LAMA2: variants seen among roughly 807,000 people sequenced by gnomAD.
The protein encoded by LAMA2 is laminin subunit alpha 2.
Under a neutral mutation model 364.8 loss-of-function variants are expected in LAMA2, and 269 were observed. The observed-to-expected ratio is 0.74, with a 90% CI of 0.67 to 0.82. The LOEUF (loss-of-function observed/expected upper bound fraction) is 0.82. Ranked by LOEUF, LAMA2 falls within the 40% of genes least tolerant of loss-of-function variation. LAMA2 has a pLI of 0.00. For missense variants in LAMA2, 3,807 were observed against 3,873.2 expected (o/e 0.98, Z 0.45); for synonymous variants, 1,379 against 1,370.6 (o/e 1.01, Z -0.14).
intron 1 of LAMA2, among the ~76,000 whole-genome samples, chr6:128,896,365 C>A (rs1776771447): frequency 6.6e-6 from 1 of 150,752 alleles, no homozygotes. Flanking sequence ...ACTTTGGAAT[C>A]CATGTCCTGG....
chr6:129,317,529 T>C (rs1372561854), intron 27 of LAMA2, among the ~76,000 whole-genome samples: 1 of 152,136 alleles, frequency 6.6e-6, no homozygotes, highest in Non-Finnish European at 1.5e-5. Flanking sequence ...AATTCACTTT[T>C]ATATATGTAT....
chr6:129,180,264 C>T (rs1780850907), intron 10 of LAMA2, among the ~76,000 whole-genome samples: 1 of 151,970 alleles, frequency 6.6e-6, no homozygotes, highest in Admixed American at 6.6e-5. Context: ...AGGTTTTTAG[C>T]AGAAGGGGAA....
chr6:129,074,021 A>G (rs1773480492), intron 3 of LAMA2, among the ~76,000 whole-genome samples: 1 of 152,138 alleles, frequency 6.6e-6, no homozygotes, highest in Non-Finnish European at 1.5e-5. Flanking sequence ...TCAGTCAGCA[A>G]CTCAAATGTT....
chr6:129,412,172 T>C (rs972020840), intron 40 of LAMA2, among the ~76,000 whole-genome samples: 2 of 152,030 alleles, frequency 1.3e-5, no homozygotes, highest in African/African-American at 2.4e-5. Context: ...AATTGACTCA[T>C]GAGATTGTGG....
intron 29 of LAMA2, among the ~76,000 whole-genome samples, chr6:129,333,471 CAT>C (rs1775774923): frequency 6.6e-6 from 1 of 152,106 alleles, no homozygotes; most frequent in South Asian, 2.1e-4. Flanking sequence ...TTAAATTACT[CAT>C]ATGCTTAATT....
At chr6:129,505,171 G>A in intron 60 of LAMA2, 29 bp from the exon 61 acceptor site, 1 of 1,600,466 alleles carries the variant, frequency 6.2e-7, no homozygotes, top group Non-Finnish European at 8.6e-7. Context: ...GTTCAGGATT[G>A]GCATTAATGA....
At chr6:129,226,620 G>T (rs1358384328) in intron 12 of LAMA2, among the ~76,000 whole-genome samples, 30 of 149,014 alleles carry the variant, frequency 2.0e-4, no homozygotes, top group African/African-American at 6.9e-4. Context: ...TGAAATTCTG[G>T]GTTGAAAATT....
intron 35 of LAMA2, among the ~76,000 whole-genome samples, chr6:129,388,704 C>T (rs960309318): frequency 1.3e-5 from 2 of 152,140 alleles, no homozygotes; most frequent in Non-Finnish European, 2.9e-5. Flanking sequence ...CGCACACACA[C>T]ATATTCATTT....
chr6:129,027,866 G>A (rs1348645689), intron 1 of LAMA2, among the ~76,000 whole-genome samples: 2 of 151,756 alleles, frequency 1.3e-5, no homozygotes, highest in Admixed American at 6.6e-5. Flanking sequence ...TAGGGAAGGT[G>A]TATCAGAGTG....
chr6:129,267,323 A>T (rs1397240258), intron 16 of LAMA2, 104 bp downstream of exon 16: 1 of 813,146 alleles, frequency 1.2e-6, no homozygotes, highest in Non-Finnish European at 2.2e-6. Flanking sequence ...ACTTGAGTCA[A>T]GAAGTGCTTT....
chr6:129,241,127 G>A (rs1365186247), intron 12 of LAMA2, among the ~76,000 whole-genome samples: 10 of 152,212 alleles, frequency 6.6e-5, no homozygotes, highest in Non-Finnish European at 1.5e-5. Context: ...TATCTCATGG[G>A]GTAGTACAAA....
At chr6:129,391,407 G>A (rs747301854) in intron 35 of LAMA2, 84 bp from the exon 36 acceptor site, 2 of 1,122,354 alleles carry the variant, frequency 1.8e-6, no homozygotes, top group Non-Finnish European at 2.7e-6. Context: ...TTTGGAGATG[G>A]TGGTGCCCAG....
At chr6:129,152,323 G>A (rs1778859131) in intron 7 of LAMA2, among the ~76,000 whole-genome samples, 1 of 152,182 alleles carries the variant, frequency 6.6e-6, no homozygotes, top group Admixed American at 6.5e-5. Context: ...AACACACAAG[G>A]TTGGTGGCTA....
At chr6:129,051,700 C>A (rs199569397) in intron 2 of LAMA2, among the ~76,000 whole-genome samples, 10 of 34,244 alleles carry the variant, frequency 2.9e-4, no homozygotes, top group African/African-American at 1.7e-3. Context: ...ATAGATCGAT[C>A]TATAGATATC....
At chr6:129,080,294 T>G (rs1053826090) in intron 3 of LAMA2, among the ~76,000 whole-genome samples, 4 of 152,196 alleles carry the variant, frequency 2.6e-5, no homozygotes, top group Admixed American at 6.5e-5. Flanking sequence ...TGTCAAAGCC[T>G]GCCGTGTATA....
intron 40 of LAMA2, among the ~76,000 whole-genome samples, chr6:129,414,442 G>A (rs1009314207): frequency 1.1e-4 from 16 of 152,184 alleles, no homozygotes; most frequent in African/African-American, 3.6e-4. Context: ...CAGTTCAAAT[G>A]TACATATTTT....
chr6:129,230,989 G>A (rs1784639370), intron 12 of LAMA2, among the ~76,000 whole-genome samples: 1 of 152,082 alleles, frequency 6.6e-6, no homozygotes, highest in East Asian at 1.9e-4. Context: ...AAAGGATAAA[G>A]GTAAAGTGGT....
intron 32 of LAMA2, among the ~76,000 whole-genome samples, chr6:129,362,632 T>G (rs969343693): frequency 6.6e-6 from 1 of 152,182 alleles, no homozygotes; most frequent in Non-Finnish European, 1.5e-5. Flanking sequence ...AACCAAGGTG[T>G]TTAAGGTCCC....
intron 12 of LAMA2, among the ~76,000 whole-genome samples, chr6:129,247,104 T>C (rs188623391): frequency 6.9e-4 from 105 of 152,282 alleles, no homozygotes; most frequent in African/African-American, 2.5e-3. Flanking sequence ...TTAATATTCC[T>C]AGGGGTGCAT....
Sources: gnomAD v4.1 joint callset for allele counts (sites outside exome capture counted in the v4.1 genomes callset) on GRCh38, gnomAD v4.1.1 for gene constraint, MANE v1.5 for transcripts, NCBI Gene and HGNC (gene_info 2026-07-23, HGNC 2026-07-21) for gene names.